The following TBC1D12 variants were observed in gnomAD, a reference collection of about 807,000 sequenced individuals.
TBC1D12 encodes TBC1 domain family member 12, also known as TBC1 domain family, member 12.
A neutral mutation model predicts 86.7 loss-of-function variants in TBC1D12; 56 were observed. The ratio of observed to expected loss-of-function variants is 0.65; its 90% confidence interval spans 0.52 to 0.81. The LOEUF is 0.81. Ranked by LOEUF, TBC1D12 falls within the 30% of genes least tolerant of loss-of-function variation. The pLI is 0.00. For missense variants in TBC1D12, 1,023 were observed against 1,038.8 expected (o/e 0.98, Z 0.21); for synonymous variants, 421 against 411.7 (o/e 1.02, Z -0.27).
At chr10:94,420,128 GT>G (rs1312137694) in intron 1 of TBC1D12, among the ~76,000 whole-genome samples, 2 of 152,122 alleles carry the variant, frequency 1.3e-5, no homozygotes, top group African/African-American at 4.8e-5. Flanking sequence ...GTTTAAATGA[GT>G]TCATCAGGGT....
chr10:94,412,662 A>G (rs2054942303), intron 1 of TBC1D12, among the ~76,000 whole-genome samples: 1 of 152,188 alleles, frequency 6.6e-6, no homozygotes, highest in Admixed American at 6.5e-5. Flanking sequence ...CATACTTAGT[A>G]TGTTGTGGTA....
chr10:94,446,637 G>A (rs755910006), intron 2 of TBC1D12, among the ~76,000 whole-genome samples: 20 of 152,138 alleles, frequency 1.3e-4, no homozygotes, highest in African/African-American at 2.4e-4. Flanking sequence ...CAATCTTCCC[G>A]TCTTAGCCTC....
rs991183014 is a variant in TBC1D12, at chr10:94,531,414, G to A, written c.2213G>A (p.Cys738Tyr). Residue 738 changes from cysteine to tyrosine, a missense_variant, in exon 12 of 13, where the codon TGT (cysteine) becomes TAT (tyrosine). Physicochemically the swap from Cys to Tyr is radical, Grantham distance 194. This residue lies in a region of TBC1D12 where 395 missense variants were observed against 507.7 expected (regional missense o/e 0.78). Coordinates refer to ENST00000225235, the MANE Select transcript of TBC1D12 (RefSeq NM_015188.2). The stretch of plus-strand genomic sequence containing the variant: ...ATCACATCGGAAAAGCTGTTCAGTT[G>A]TATTGCAGCCATTCAGATGCAGAAT... ...EDITSEKLFS[C>Y]IAAIQMQNST... 5 of 1,613,904 alleles carry A rather than the reference G, an allele frequency of 3.1e-6. No individual in the cohort carries two copies. The Admixed American group carries it at 5.0e-5, about 16-fold the overall frequency.
chr10:94,502,803 ATAT>A (rs1481105229), intron 6 of TBC1D12, among the ~76,000 whole-genome samples: 1 of 152,212 alleles, frequency 6.6e-6, no homozygotes, highest in Admixed American at 6.5e-5. Flanking sequence ...TAGAAATAAT[ATAT>A]TGTCACTGTT....
At chr10:94,523,325 T>C (rs1372631126) in intron 11 of TBC1D12, among the ~76,000 whole-genome samples, 1 of 152,004 alleles carries the variant, frequency 6.6e-6, no homozygotes, top group Non-Finnish European at 1.5e-5. Context: ...CGAGGGTGTT[T>C]TACGTGGATT....
chr10:94,438,890 G>A (rs1487405577), intron 1 of TBC1D12, among the ~76,000 whole-genome samples: 4 of 151,724 alleles, frequency 2.6e-5, no homozygotes, highest in Non-Finnish European at 5.9e-5. Context: ...TGCAACCTCC[G>A]CCTCCTGGGT....
chr10:94,505,295 T>A (rs962041585), intron 6 of TBC1D12, among the ~76,000 whole-genome samples: 3 of 152,150 alleles, frequency 2.0e-5, no homozygotes, highest in African/African-American at 4.8e-5. Context: ...TAATAGGAAT[T>A]TTGCCTGGTG....
At chr10:94,487,842 G>T (rs563989606) in intron 3 of TBC1D12, among the ~76,000 whole-genome samples, 1 of 150,430 alleles carries the variant, frequency 6.6e-6, no homozygotes, top group Admixed American at 6.7e-5. Flanking sequence ...GACTACAGGT[G>T]CATGCCACCA....
intron 11 of TBC1D12, among the ~76,000 whole-genome samples, chr10:94,523,700 C>T (rs778914692): frequency 2.0e-5 from 3 of 152,236 alleles, no homozygotes; most frequent in Admixed American, 6.5e-5. Flanking sequence ...CAGTGGCTGA[C>T]GCCTGTAGTC....
At chr10:94,431,541 G>A (rs2055216161) in intron 1 of TBC1D12, among the ~76,000 whole-genome samples, 1 of 152,096 alleles carries the variant, frequency 6.6e-6, no homozygotes, top group African/African-American at 2.4e-5. Flanking sequence ...GGCCTAATAG[G>A]TAACACCTTT....
chr10:94,506,204 A>AT (rs571464770), intron 6 of TBC1D12, among the ~76,000 whole-genome samples: 67 of 151,372 alleles, frequency 4.4e-4, no homozygotes, highest in South Asian at 3.8e-3. Context: ...GCCCAGCTAA[A>AT]TTTTTTGTAT....
intron 2 of TBC1D12, among the ~76,000 whole-genome samples, chr10:94,466,837 C>T (rs1207680131): frequency 4.6e-5 from 7 of 152,186 alleles, no homozygotes; most frequent in Admixed American, 1.3e-4. Context: ...TCCTATTTCT[C>T]TTTCAGTGTC....
chr10:94,429,591 A>G (rs901515715), intron 1 of TBC1D12, among the ~76,000 whole-genome samples: 2 of 152,172 alleles, frequency 1.3e-5, no homozygotes, highest in Non-Finnish European at 2.9e-5. Context: ...TTCCATGGTC[A>G]CTAGATAATG....
At chr10:94,510,569 G>A (rs937945512) in intron 8 of TBC1D12, among the ~76,000 whole-genome samples, 1 of 152,030 alleles carries the variant, frequency 6.6e-6, no homozygotes, top group South Asian at 2.1e-4. Context: ...AGGAAGAAAT[G>A]GTTTTCTTTG....
chr10:94,426,668 C>G (rs1038392376), intron 1 of TBC1D12, among the ~76,000 whole-genome samples: 2 of 152,108 alleles, frequency 1.3e-5, no homozygotes, highest in Non-Finnish European at 2.9e-5. Context: ...ACCTCTGCCT[C>G]CCAGGTTCAA....
Position 94,402,887 on chromosome 10 carries a change from G to A in TBC1D12, c.274G>A (p.Ala92Thr). Residue 92 changes from alanine to threonine, a missense_variant, in exon 1 of 13, where the codon GCT (alanine) becomes ACT (threonine). Coordinates refer to ENST00000225235, the MANE Select transcript of TBC1D12 (RefSeq NM_015188.2). ...EPGLCYCPLPAGQAGAPPPSA... is the reference protein window; with the variant it reads ...EPGLCYCPLPTGQAGAPPPSA... ...GGGGCTCTGCTACTGTCCGCTCCCC[G>A]CTGGCCAGGCCGGCGCCCCGCCGCC... The A allele has an allele frequency of 6.7e-7, 1 of 1,493,990 alleles. No individual in the cohort carries two copies. Among genetic ancestry groups the A allele is most frequent in the Non-Finnish European group, 8.9e-7 (1 of 1,128,162 alleles). 92.5% of individuals were successfully genotyped at this position (1,493,990 alleles called of 1,614,324 possible).
rs188788409 is a variant in TBC1D12, at chr10:94,466,568, C to A, written c.1096-8100C>A. On this transcript the variant is annotated intron_variant, in intron 2 of 12. Coordinates refer to ENST00000225235, the MANE Select transcript of TBC1D12 (RefSeq NM_015188.2). ...CTTAAAATCACTGGCACACTTCATC[C>A]TTTTTTGTTTGTTTTAATAAGCTTT... is the stretch of plus-strand genomic sequence containing the variant. Among the ~76,000 whole-genome samples the A allele has an allele frequency of 1.5e-3, 235 of 152,134 alleles. 1 individual carries two copies. The highest frequency in any genetic ancestry group is 2.7e-3 in the Non-Finnish European group (186 of 67,956).
intron 2 of TBC1D12, among the ~76,000 whole-genome samples, chr10:94,470,120 C>T (rs550698761): frequency 3.3e-5 from 5 of 152,176 alleles, no homozygotes; most frequent in African/African-American, 1.2e-4. Flanking sequence ...CTTCAAATCA[C>T]GTGGAGGAGG....
At chr10:94,479,875 G>A (rs1456010986) in intron 3 of TBC1D12, among the ~76,000 whole-genome samples, 2 of 152,168 alleles carry the variant, frequency 1.3e-5, no homozygotes, top group East Asian at 1.9e-4. Flanking sequence ...CCCAAATTAA[G>A]TAGTTCAGTG....
Sources: gnomAD v4.1 joint callset for allele counts (sites outside exome capture counted in the v4.1 genomes callset) on GRCh38, gnomAD v4.1.1 for gene constraint, gnomAD v4.1.1 regional missense constraint, MANE v1.5 for transcripts, NCBI Gene and HGNC (gene_info 2026-07-23, HGNC 2026-07-21) for gene names.